The following CHP1 variants were observed in gnomAD, a reference collection of about 807,000 sequenced individuals.
The protein encoded by CHP1 is calcineurin B homologous protein 1.
Under a neutral mutation model 27.4 loss-of-function variants are expected in CHP1, and 11 were observed. The ratio of observed to expected loss-of-function variants is 0.40; its 90% CI spans 0.25 to 0.67. CHP1 has a LOEUF of 0.67. Ranked by LOEUF, CHP1 falls within the 30% of genes least tolerant of loss-of-function variation. The pLI is 0.38. For missense variants in CHP1, 169 were observed against 251.3 expected, an observed-to-expected ratio of 0.67 and a Z score of 2.22; for synonymous variants, 89 against 87.4, an observed-to-expected ratio of 1.02 and a Z score of -0.10.
intron 1 of CHP1, among the ~76,000 whole-genome samples, chr15:41,234,763 TG>T (rs2047268386): frequency 6.6e-6 from 1 of 152,230 alleles, no homozygotes; most frequent in South Asian, 2.1e-4. Flanking sequence ...GAATAGTGTC[TG>T]GTATAATAAA....
Position 41,237,428 on chromosome 15 carries a change from G to A in CHP1, c.67+5979G>A, listed in dbSNP as rs145744572. On this transcript the variant is annotated intron_variant, in intron 1 of 6. Coordinates refer to ENST00000334660, the MANE Select transcript of CHP1 (RefSeq NM_007236.5). ...CTCCCAAAGGGCTAGGATTATAGAC[G>A]TGAGCCACCTTAATATTATCTATCA... Among the ~76,000 whole-genome samples, 729 of 152,234 alleles carry A rather than the reference G, an allele frequency of 4.8e-3. 9 individuals are homozygous for A. Among genetic ancestry groups the A allele is most frequent in the African/African-American group, 0.017 (703 of 41,550 alleles).
chr15:41,241,347 G>A (rs2047306111), intron 1 of CHP1, among the ~76,000 whole-genome samples: 3 of 152,238 alleles, frequency 2.0e-5, no homozygotes. Context: ...TTCAGGCTCA[G>A]GATGTAAGCA....
rs376996139 is a variant in CHP1 at position 41,270,523 on chromosome 15, G to T, written c.350-34G>T. 746 of 1,562,346 alleles carry T rather than the reference G, an allele frequency of 4.8e-4. 5 individuals carry two copies. In the South Asian group the frequency reaches 5.2e-3, roughly 11 times the overall value. On this transcript the variant is annotated intron_variant, in intron 4 of 6. Coordinates refer to ENST00000334660, the MANE Select transcript of CHP1 (RefSeq NM_007236.5). ...CCTTGAGAAGGGGCAACACACTACA[G>T]AATTTTGACTAACTTTGTGTTTTTC...
intron 3 of CHP1, among the ~76,000 whole-genome samples, chr15:41,261,206 G>A (rs1052361128): frequency 1.3e-5 from 2 of 150,122 alleles, no homozygotes; most frequent in Non-Finnish European, 3.0e-5. Context: ...CCAGGCTGGA[G>A]TGCAGTGGTG....
At chr15:41,241,066 T>G (rs542539895) in intron 1 of CHP1, among the ~76,000 whole-genome samples, 3 of 152,252 alleles carry the variant, frequency 2.0e-5, no homozygotes, top group South Asian at 4.1e-4. Context: ...TTGGCCAGGA[T>G]GGTCTCGATC....
chr15:41,240,797 C>A, intron 1 of CHP1, among the ~76,000 whole-genome samples: 1 of 147,362 alleles, frequency 6.8e-6, no homozygotes, highest in African/African-American at 2.5e-5. Flanking sequence ...ATGAAAATGG[C>A]AGTGTTGGGA....
chr15:41,253,075 A>T (rs2047378734), intron 2 of CHP1, among the ~76,000 whole-genome samples: 1 of 151,360 alleles, frequency 6.6e-6, no homozygotes, highest in Non-Finnish European at 1.5e-5. Flanking sequence ...AGTAGCTGGG[A>T]CTACAGGCTC....
intron 1 of CHP1, among the ~76,000 whole-genome samples, chr15:41,238,551 T>C (rs2047289380): frequency 6.6e-6 from 1 of 151,858 alleles, no homozygotes; most frequent in Admixed American, 6.6e-5. Context: ...ATTCAAGACA[T>C]GTTTATAGCA....
At chr15:41,261,347 G>A (rs1346724455) in intron 3 of CHP1, among the ~76,000 whole-genome samples, 1 of 151,612 alleles carries the variant, frequency 6.6e-6, no homozygotes, top group Non-Finnish European at 1.5e-5. Context: ...AGTAGAGACA[G>A]GGTTTTACCA....
intron 2 of CHP1, among the ~76,000 whole-genome samples, chr15:41,251,054 G>A (rs2047364291): frequency 6.6e-6 from 1 of 151,978 alleles, no homozygotes; most frequent in African/African-American, 2.4e-5. Flanking sequence ...GGATGGTCTC[G>A]ATCTCTTGAC....
intron 4 of CHP1, among the ~76,000 whole-genome samples, chr15:41,264,992 C>T (rs1208174883): frequency 5.3e-5 from 8 of 152,150 alleles, no homozygotes; most frequent in Admixed American, 3.9e-4. Context: ...CATGGTGCCT[C>T]TTACTGTAGA....
intron 3 of CHP1, among the ~76,000 whole-genome samples, chr15:41,261,817 A>AC (rs1386516931): frequency 4.0e-5 from 6 of 151,658 alleles, no homozygotes; most frequent in Admixed American, 2.0e-4. Flanking sequence ...ACATGGAGAA[A>AC]CCCCGTCTCT....
intron 5 of CHP1, among the ~76,000 whole-genome samples, chr15:41,272,604 A>G (rs1470934818): frequency 6.6e-6 from 1 of 151,774 alleles, no homozygotes; most frequent in Non-Finnish European, 1.5e-5. Flanking sequence ...TGTTTTTAGT[A>G]GAGATGGGGT....
At chr15:41,270,671 T>C (rs2047484264) in intron 5 of CHP1, 53 bp downstream of exon 5, 1 of 1,339,044 alleles carries the variant, frequency 7.5e-7, no homozygotes, top group Non-Finnish European at 1.1e-6. Flanking sequence ...TGCTTATTAG[T>C]GTGGGCAGGA....
chr15:41,250,927 C>T (rs1191084233), intron 2 of CHP1, among the ~76,000 whole-genome samples: 15 of 151,824 alleles, frequency 9.9e-5, no homozygotes, highest in Admixed American at 5.3e-4. Context: ...TCACCGCTTC[C>T]GGGTTCAAGT....
At position 41,256,725 on chromosome 15, in the gene CHP1, T is replaced by C. The variant is rs2047402336; in HGVS notation, c.141-185T>C. 6 of 591,292 alleles carry C rather than the reference T, an allele frequency of 1.0e-5. No individual in the cohort carries two copies. The East Asian group carries it at 1.8e-4, about 18-fold the overall frequency. 36.6% of individuals were successfully genotyped at this position (591,292 alleles called of 1,614,324 possible). On this transcript the variant is annotated intron_variant, in intron 2 of 6. Coordinates refer to ENST00000334660, the MANE Select transcript of CHP1 (RefSeq NM_007236.5). ...AAATCTGGCTCCTTCCACTTCTGAGTTGGTGCAAGAAACACTTGGCAGCTA... is the reference window on the plus strand; with the variant it reads ...AAATCTGGCTCCTTCCACTTCTGAGCTGGTGCAAGAAACACTTGGCAGCTA...
chr15:41,241,042 G>A (rs1003876474), intron 1 of CHP1, among the ~76,000 whole-genome samples: 7 of 152,194 alleles, frequency 4.6e-5, no homozygotes, highest in Admixed American at 2.0e-4. Context: ...TAGTAGAGAC[G>A]AGGTTTCGCC....
chr15:41,237,747 A>T (rs879559051), intron 1 of CHP1, among the ~76,000 whole-genome samples: 2 of 151,834 alleles, frequency 1.3e-5, no homozygotes, highest in Non-Finnish European at 2.9e-5. Context: ...TTTTTTTTTG[A>T]GATGGAGTCT....
chr15:41,239,209 A>C (rs2047293705), intron 1 of CHP1, among the ~76,000 whole-genome samples: 1 of 152,104 alleles, frequency 6.6e-6, no homozygotes, highest in Non-Finnish European at 1.5e-5. Context: ...ATTTGTTCTA[A>C]AATTTTGGAG....
Sources: allele counts gnomAD v4.1 joint callset (sites outside exome capture counted in the v4.1 genomes callset), GRCh38; gene constraint gnomAD v4.1.1; transcripts MANE v1.5; gene names NCBI Gene and HGNC (gene_info 2026-07-23, HGNC 2026-07-21).